The following ERC2 variants were observed in gnomAD, a reference collection of about 807,000 sequenced individuals.
ERC2 encodes ELKS/RAB6-interacting/CAST family member 2, also known as ERC protein 2.
Under a neutral mutation model 114.8 loss-of-function variants are expected in ERC2, and 42 were observed. That is an observed-to-expected ratio of 0.37 (90% CI 0.29 to 0.47). The LOEUF (loss-of-function observed/expected upper bound fraction) is 0.47. Among genes scored for constraint, ERC2 ranks in the 20% least tolerant of loss-of-function variants. ERC2 has a pLI of 0.99. For missense variants in ERC2, 939 were observed against 1,150.7 expected (o/e 0.82, Z 2.66); for synonymous variants, 454 against 425.5 (o/e 1.07, Z -0.82).
At chr3:55,825,145 T>G (rs921088729) in intron 14 of ERC2, among the ~76,000 whole-genome samples, 4 of 152,224 alleles carry the variant, frequency 2.6e-5, no homozygotes, top group African/African-American at 4.8e-5. Flanking sequence ...CCTGGAATTC[T>G]TCCTTGTGTC....
intron 17 of ERC2, among the ~76,000 whole-genome samples, chr3:55,579,782 G>A (rs531286891): frequency 3.0e-4 from 45 of 152,302 alleles, no homozygotes; most frequent in African/African-American, 8.4e-4. Flanking sequence ...CACATGCTGC[G>A]CACTCGGCTC....
At chr3:56,115,584 T>G (rs1035243049) in intron 6 of ERC2, among the ~76,000 whole-genome samples, 3 of 152,168 alleles carry the variant, frequency 2.0e-5, no homozygotes, top group African/African-American at 7.2e-5. Context: ...ATAAATTTAT[T>G]ATTATATCAC....
At chr3:55,729,261 C>A (rs1239788112) in intron 15 of ERC2, among the ~76,000 whole-genome samples, 2 of 152,142 alleles carry the variant, frequency 1.3e-5, no homozygotes, top group Non-Finnish European at 2.9e-5. Flanking sequence ...GGGCTCCTTG[C>A]TATCCCCCAA....
chr3:55,684,295 T>G (rs1465318688), intron 16 of ERC2, among the ~76,000 whole-genome samples: 8 of 151,432 alleles, frequency 5.3e-5, no homozygotes, highest in Admixed American at 1.3e-4. Context: ...CAATAAAGGC[T>G]GAAGAATTAA....
At chr3:56,320,724 T>C (rs2057090044) in intron 2 of ERC2, among the ~76,000 whole-genome samples, 1 of 152,040 alleles carries the variant, frequency 6.6e-6, no homozygotes, top group South Asian at 2.1e-4. Flanking sequence ...AGAAAATAAA[T>C]ACAGTAAATG....
At chr3:55,711,112 A>G (rs2063755556) in intron 15 of ERC2, among the ~76,000 whole-genome samples, 1 of 152,184 alleles carries the variant, frequency 6.6e-6, no homozygotes, top group African/African-American at 2.4e-5. Flanking sequence ...CCATTCTTTC[A>G]GTCTAAACAG....
intron 2 of ERC2, among the ~76,000 whole-genome samples, chr3:56,381,386 T>C (rs949227633): frequency 6.6e-6 from 1 of 152,100 alleles, no homozygotes; most frequent in Non-Finnish European, 1.5e-5. Context: ...GTGAGCTGTA[T>C]AGAATCTGCA....
intron 13 of ERC2, among the ~76,000 whole-genome samples, chr3:55,936,606 C>T (rs907456395): frequency 3.9e-5 from 6 of 152,180 alleles, no homozygotes; most frequent in Non-Finnish European, 7.3e-5. Context: ...AAGTAACTCA[C>T]ACACATACCT....
chr3:55,761,722 C>T (rs1049831450), intron 14 of ERC2, among the ~76,000 whole-genome samples: 6 of 151,932 alleles, frequency 3.9e-5, no homozygotes, highest in African/African-American at 1.4e-4. Flanking sequence ...AGTGAGTTTT[C>T]ACAAATCTGG....
Position 55,812,155 on chromosome 3 carries a change from G to A in ERC2, c.2564+76234C>T, listed in dbSNP as rs77717844. Among the ~76,000 whole-genome samples, 762 of 152,276 alleles carry A rather than the reference G, an allele frequency of 5.0e-3. 6 individuals carry two copies. The highest frequency in any genetic ancestry group is 0.017 in the African/African-American group (722 of 41,548). ...AGTTAGTTTGCTGAGGATAATAATT[G>A]CCTATTTCTTTATCTGAAATCGGAA... On this transcript the variant is annotated intron_variant, in intron 14 of 17. Transcript: ENST00000288221.
intron 6 of ERC2, among the ~76,000 whole-genome samples, chr3:56,120,491 A>C (rs1307286580): frequency 6.6e-6 from 1 of 152,214 alleles, no homozygotes; most frequent in Non-Finnish European, 1.5e-5. Context: ...GAGAGATTGT[A>C]GTGTTGAGAT....
chr3:55,648,014 G>A (rs1311319415), intron 17 of ERC2, among the ~76,000 whole-genome samples: 1 of 152,190 alleles, frequency 6.6e-6, no homozygotes, highest in Non-Finnish European at 1.5e-5. Flanking sequence ...GTAACCCAGC[G>A]GGGGGTGGTG....
At chr3:56,049,148 A>C (rs982335081) in intron 7 of ERC2, among the ~76,000 whole-genome samples, 5 of 152,214 alleles carry the variant, frequency 3.3e-5, no homozygotes, top group African/African-American at 1.2e-4. Context: ...TGAAAGCAGT[A>C]GGTGGCTTTA....
At chr3:55,942,549 G>A (rs1463662416) in intron 13 of ERC2, among the ~76,000 whole-genome samples, 1 of 150,600 alleles carries the variant, frequency 6.6e-6, no homozygotes, top group African/African-American at 2.4e-5. Context: ...CGCCCGCCTC[G>A]GCCTCCCAAA....
intron 2 of ERC2, among the ~76,000 whole-genome samples, chr3:56,418,056 G>A (rs1387083692): frequency 6.6e-6 from 1 of 152,100 alleles, no homozygotes; most frequent in Non-Finnish European, 1.5e-5. Flanking sequence ...GAAGGCCAAG[G>A]CAGGAGGATC....
At chr3:55,583,686 G>A (rs926160623) in intron 17 of ERC2, among the ~76,000 whole-genome samples, 14 of 151,240 alleles carry the variant, frequency 9.3e-5, no homozygotes, top group African/African-American at 3.4e-4. Context: ...TGCTAGGCTG[G>A]TATAAGATGA....
chr3:55,787,884 C>A (rs748244699), intron 14 of ERC2, among the ~76,000 whole-genome samples: 2 of 152,156 alleles, frequency 1.3e-5, no homozygotes, highest in Admixed American at 6.5e-5. Context: ...ACCTATTAGT[C>A]CCTAATAAGA....
chr3:56,069,145 G>T (rs1390892308), intron 7 of ERC2, among the ~76,000 whole-genome samples: 1 of 152,090 alleles, frequency 6.6e-6, no homozygotes, highest in Admixed American at 6.6e-5. Flanking sequence ...TGGGTGTTAA[G>T]GTCTCCCACT....
chr3:56,362,311 C>T (rs1014872670), intron 2 of ERC2, among the ~76,000 whole-genome samples: 8 of 152,132 alleles, frequency 5.3e-5, no homozygotes, highest in South Asian at 2.1e-4. Context: ...ATAAGGAAAA[C>T]GGGCCAAAAT....
Sources: gnomAD v4.1 joint callset for allele counts (sites outside exome capture counted in the v4.1 genomes callset) on GRCh38, gnomAD v4.1.1 for gene constraint, MANE v1.5 for transcripts, NCBI Gene and HGNC (gene_info 2026-07-23, HGNC 2026-07-21) for gene names.